The following KCNK10 variants were observed in gnomAD, a reference collection of about 807,000 sequenced individuals.
KCNK10 encodes the protein potassium channel subfamily K member 10.
A neutral mutation model predicts 47.7 loss-of-function variants in KCNK10; 25 were observed. That is an observed-to-expected ratio of 0.52 (90% CI 0.38 to 0.73). KCNK10 has a LOEUF of 0.73. KCNK10 is among the 30% of genes least tolerant of loss of function. KCNK10 has a pLI of 0.00. For missense variants in KCNK10, 563 were observed against 714.5 expected (o/e 0.79, Z 2.42); for synonymous variants, 303 against 285.6 (o/e 1.06, Z -0.61).
At chr14:88,246,049 T>C (rs1886628776) in intron 2 of KCNK10, among the ~76,000 whole-genome samples, 1 of 152,112 alleles carries the variant, frequency 6.6e-6, no homozygotes, top group Non-Finnish European at 1.5e-5. Context: ...GGCATGAATG[T>C]GGAAAGTGGT....
intron 3 of KCNK10, among the ~76,000 whole-genome samples, chr14:88,229,826 G>C (rs1419377609): frequency 1.3e-5 from 2 of 152,138 alleles, no homozygotes; most frequent in Non-Finnish European, 2.9e-5. Flanking sequence ...TGAGGCAATG[G>C]GAAGACCACA....
At chr14:88,215,828 T>G (rs1413624622) in intron 4 of KCNK10, among the ~76,000 whole-genome samples, 1 of 152,184 alleles carries the variant, frequency 6.6e-6, no homozygotes, top group Non-Finnish European at 1.5e-5. Context: ...ATCCAGGCAG[T>G]ATTTTAAGTA....
chr14:88,253,240 A>T (rs970527741), intron 2 of KCNK10, among the ~76,000 whole-genome samples: 60 of 152,332 alleles, frequency 3.9e-4, no homozygotes, highest in African/African-American at 1.4e-3. Flanking sequence ...AGGATAGGGA[A>T]GGATTTGTTA....
At chr14:88,246,739 G>C (rs748494544) in intron 2 of KCNK10, among the ~76,000 whole-genome samples, 48 of 152,322 alleles carry the variant, frequency 3.2e-4, no homozygotes, top group Non-Finnish European at 5.7e-4. Flanking sequence ...TTGCAACAGG[G>C]AAAGTTCTTG....
In KCNK10 at chr14:88,181,868, C is replaced by T. The variant is rs941647726; in HGVS notation, c.*3667G>A. On this transcript the variant is annotated 3_prime_UTR_variant, in exon 7 of 7. Transcript: ENST00000319231. ...AGAGAACTGCACAACTACAATGGCC[C>T]TTGACAAGTATCTGTGCTCAACTCC... 1.3e-5 allele frequency: 2 copies of T among 152,238 alleles called. No individual in the cohort carries two copies. The highest frequency in any genetic ancestry group is 4.8e-5 in the African/African-American group (2 of 41,402). 9.4% of individuals were successfully genotyped at this position (152,238 alleles called of 1,614,324 possible).
intron 1 of KCNK10, among the ~76,000 whole-genome samples, chr14:88,281,920 C>G (rs182076950): frequency 2.9e-4 from 44 of 151,842 alleles, no homozygotes; most frequent in African/African-American, 1.0e-3. Flanking sequence ...CCCCATTATT[C>G]TCTATCACAG....
intron 1 of KCNK10, among the ~76,000 whole-genome samples, chr14:88,312,588 G>C (rs1315393820): frequency 6.6e-6 from 1 of 152,166 alleles, no homozygotes; most frequent in Non-Finnish European, 1.5e-5. Context: ...AGAAAGTTAA[G>C]TTGTCAGTCA....
intron 2 of KCNK10, among the ~76,000 whole-genome samples, chr14:88,241,221 T>G (rs61976992): frequency 0.21 from 32,113 of 152,262 alleles, 4,411 homozygotes; most frequent in Non-Finnish European, 0.3. Flanking sequence ...TTCTGTCTTG[T>G]AAGAATGTTT....
intron 4 of KCNK10, among the ~76,000 whole-genome samples, chr14:88,225,036 C>T (rs1885939049): frequency 6.6e-6 from 1 of 152,030 alleles, no homozygotes; most frequent in Non-Finnish European, 1.5e-5. Context: ...ATAAACCTTC[C>T]CCCATGAGAA....
At chr14:88,278,316 C>T (rs550884387) in intron 1 of KCNK10, among the ~76,000 whole-genome samples, 1 of 152,356 alleles carries the variant, frequency 6.6e-6, no homozygotes, top group East Asian at 1.9e-4. Flanking sequence ...AGTGTCCCTT[C>T]TCCTAGACCC....
intron 4 of KCNK10, among the ~76,000 whole-genome samples, chr14:88,200,613 A>G (rs946907232): frequency 1.3e-5 from 2 of 152,270 alleles, no homozygotes; most frequent in Non-Finnish European, 2.9e-5. Context: ...GAAGGCCTGC[A>G]CTAAGGGAAC....
At chr14:88,269,003 T>A (rs573625711) in intron 1 of KCNK10, among the ~76,000 whole-genome samples, 32 of 152,234 alleles carry the variant, frequency 2.1e-4, no homozygotes, top group Non-Finnish European at 4.0e-4. Flanking sequence ...CCGGGTATGG[T>A]GGCATGCACC....
intron 4 of KCNK10, among the ~76,000 whole-genome samples, chr14:88,227,137 A>G (rs1355521906): frequency 1.3e-5 from 2 of 152,250 alleles, no homozygotes; most frequent in Non-Finnish European, 2.9e-5. Context: ...GCAAATCCAT[A>G]CTTAACCCTC....
At chr14:88,292,597 C>G (rs1315471570) in intron 1 of KCNK10, among the ~76,000 whole-genome samples, 1 of 151,898 alleles carries the variant, frequency 6.6e-6, no homozygotes, top group Non-Finnish European at 1.5e-5. Context: ...GTGATGTACC[C>G]ACCTCGGCCT....
chr14:88,216,410 G>A (rs895761187), intron 4 of KCNK10, among the ~76,000 whole-genome samples: 1 of 152,180 alleles, frequency 6.6e-6, no homozygotes, highest in Non-Finnish European at 1.5e-5. Flanking sequence ...AATGTCTGGA[G>A]ACATTTTGGC....
intron 1 of KCNK10, among the ~76,000 whole-genome samples, chr14:88,276,092 A>C (rs1887520241): frequency 6.6e-6 from 1 of 152,046 alleles, no homozygotes; most frequent in Non-Finnish European, 1.5e-5. Context: ...GAACTGTCTC[A>C]ATACTCAGTT....
chr14:88,236,576 T>C (rs1886308014), intron 3 of KCNK10, among the ~76,000 whole-genome samples: 1 of 152,182 alleles, frequency 6.6e-6, no homozygotes, highest in Admixed American at 6.6e-5. Context: ...AATGCAAATA[T>C]CAGGGTAACA....
Position 88,182,753 on chromosome 14 carries a change from C to T in KCNK10, c.*2782G>A, listed in dbSNP as rs1309912142. The T allele has an allele frequency of 1.3e-5, 2 of 152,368 alleles. No homozygotes were observed. Among genetic ancestry groups the T allele is most frequent in the African/African-American group, 4.8e-5 (2 of 41,452 alleles). The allele number at this position is 152,368 out of a possible 1,614,324, so 9.4% of individuals were successfully genotyped here. ...GCATCTATGCACATACCAACACATG[C>T]ACCTGTTCCATTTGGTAGAGTATGC... is the stretch of plus-strand genomic sequence containing the variant. On this transcript the variant is annotated 3_prime_UTR_variant, in exon 7 of 7. Transcript: ENST00000319231.
At chr14:88,302,117 G>A (rs1342169489) in intron 1 of KCNK10, among the ~76,000 whole-genome samples, 5 of 152,188 alleles carry the variant, frequency 3.3e-5, no homozygotes, top group South Asian at 2.1e-4. Context: ...AATGGCAGGG[G>A]TGGGAAACAG....
Sources: gnomAD v4.1 joint callset for allele counts (sites outside exome capture counted in the v4.1 genomes callset) on GRCh38, gnomAD v4.1.1 for gene constraint, MANE v1.5 for transcripts, NCBI Gene and HGNC (gene_info 2026-07-23, HGNC 2026-07-21) for gene names.